CREB5: variants seen among roughly 807,000 people sequenced by gnomAD.
CREB5 encodes cAMP responsive element binding protein 5, also known as cyclic AMP-responsive element-binding protein 5.
In CREB5, 19 loss-of-function variants were observed where a neutral mutation model predicts 57.1. The ratio of observed to expected loss-of-function variants is 0.33; its 90% CI spans 0.23 to 0.49. The LOEUF is 0.49. Among genes scored for constraint, CREB5 ranks in the 20% least tolerant of loss-of-function variants. The probability of loss-of-function intolerance (pLI) is 0.99; values close to 1 mark genes in which losing one functional copy is unlikely to be tolerated. For missense variants in CREB5, 579 were observed against 671.6 expected (o/e 0.86, Z 1.52); for synonymous variants, 238 against 238.3 (o/e 1.00, Z 0.01).
chr7:28,435,007 C>T (rs1355500551), intron 1 of CREB5, among the ~76,000 whole-genome samples: 1 of 151,392 alleles, frequency 6.6e-6, no homozygotes, highest in Non-Finnish European at 1.5e-5. Flanking sequence ...TCATACGCAC[C>T]TTAAGAGTAG....
At chr7:28,756,550 C>A (rs1254636806) in intron 7 of CREB5, among the ~76,000 whole-genome samples, 2 of 124,484 alleles carry the variant, frequency 1.6e-5, no homozygotes, top group Non-Finnish European at 3.6e-5. Context: ...GAGGGGAATT[C>A]CATCTCCAAA....
At chr7:28,519,774 A>T (rs1448727545) in intron 4 of CREB5, among the ~76,000 whole-genome samples, 1 of 152,246 alleles carries the variant, frequency 6.6e-6, no homozygotes, top group African/African-American at 2.4e-5. Flanking sequence ...ACATCTGTTA[A>T]TAACACTGAC....
chr7:28,715,548 A>G (rs1802640198), intron 5 of CREB5, among the ~76,000 whole-genome samples: 2 of 152,372 alleles, frequency 1.3e-5, no homozygotes, highest in African/African-American at 4.8e-5. Flanking sequence ...CTTTAACGAT[A>G]TGAGCATTCT....
chr7:28,354,304 G>A (rs1045464978), intron 1 of CREB5, among the ~76,000 whole-genome samples: 6 of 152,112 alleles, frequency 3.9e-5, no homozygotes, highest in Non-Finnish European at 5.9e-5. Context: ...TAATCTGGGT[G>A]GGCACCATCT....
At chr7:28,573,022 C>A (rs1795763378) in intron 5 of CREB5, among the ~76,000 whole-genome samples, 1 of 152,158 alleles carries the variant, frequency 6.6e-6, no homozygotes, top group Non-Finnish European at 1.5e-5. Context: ...CAAACCCACA[C>A]ATCTTGTCGT....
chr7:28,624,213 T>TGCTAATC (rs1797911717), intron 5 of CREB5, among the ~76,000 whole-genome samples: 1 of 151,898 alleles, frequency 6.6e-6, no homozygotes, highest in South Asian at 2.1e-4. Context: ...CACGTCTAAT[T>TGCTAATC]TGCGTGAATT....
intron 5 of CREB5, among the ~76,000 whole-genome samples, chr7:28,608,505 A>G (rs956329273): frequency 4.6e-5 from 7 of 152,058 alleles, no homozygotes; most frequent in African/African-American, 1.7e-4. Context: ...GTTGTTAAGG[A>G]TGATGCTCTG....
chr7:28,488,107 G>A (rs1791648041), intron 1 of CREB5, 68 bp from the exon 2 acceptor site: 1 of 1,426,858 alleles, frequency 7.0e-7, no homozygotes, highest in South Asian at 1.2e-5. Flanking sequence ...TTCTCACGTT[G>A]CTCAGGTAGA....
chr7:28,714,650 G>A (rs1218192632), intron 5 of CREB5, among the ~76,000 whole-genome samples: 1 of 152,232 alleles, frequency 6.6e-6, no homozygotes. Context: ...GTTAAGGACA[G>A]TGAAAACACA....
intron 5 of CREB5, among the ~76,000 whole-genome samples, chr7:28,596,771 G>T (rs1796703517): frequency 6.6e-6 from 1 of 152,158 alleles, no homozygotes; most frequent in African/African-American, 2.4e-5. Context: ...AAATAAATGA[G>T]ATAATACATA....
chr7:28,752,467 T>A (rs1805040857), intron 7 of CREB5, among the ~76,000 whole-genome samples: 1 of 152,218 alleles, frequency 6.6e-6, no homozygotes, highest in African/African-American at 2.4e-5. Context: ...GTGCTCAGCC[T>A]TCTCTTTGTA....
chr7:28,565,418 A>C (rs1322946189), intron 4 of CREB5, among the ~76,000 whole-genome samples: 2 of 152,112 alleles, frequency 1.3e-5, no homozygotes, highest in Non-Finnish European at 2.9e-5. Context: ...CCCCATTAGG[A>C]GTGAGGGTGA....
intron 5 of CREB5, among the ~76,000 whole-genome samples, chr7:28,671,194 C>T (rs868038944): frequency 4.6e-5 from 7 of 151,326 alleles, no homozygotes; most frequent in African/African-American, 9.7e-5. Flanking sequence ...AGGTCAAGGC[C>T]GCAGTGAGCC....
chr7:28,488,124 A>C, intron 1 of CREB5, 51 bp from the exon 2 acceptor site: 7 of 1,548,798 alleles, frequency 4.5e-6, no homozygotes, highest in South Asian at 1.1e-5. Context: ...TAGAAGCAGA[A>C]GATATTCATG....
chr7:28,643,268 A>T (rs1468172455), intron 5 of CREB5, among the ~76,000 whole-genome samples: 8 of 152,106 alleles, frequency 5.3e-5, no homozygotes, highest in African/African-American at 1.7e-4. Flanking sequence ...AATTCCAAAA[A>T]CACTTGCAAA....
At chr7:28,353,572 G>C (rs144576832) in intron 1 of CREB5, among the ~76,000 whole-genome samples, 1 of 152,050 alleles carries the variant, frequency 6.6e-6, no homozygotes, top group African/African-American at 2.4e-5. Flanking sequence ...GTCCAGGCGC[G>C]GTGGCTCACA....
chr7:28,326,890 C>T (rs1160794379), intron 1 of CREB5, among the ~76,000 whole-genome samples: 1 of 152,052 alleles, frequency 6.6e-6, no homozygotes, highest in African/African-American at 2.4e-5. Context: ...TGCCTGTAAT[C>T]CCAGCACTTT....
At chr7:28,783,868 G>A (rs1384163381) in intron 7 of CREB5, among the ~76,000 whole-genome samples, 1 of 152,192 alleles carries the variant, frequency 6.6e-6, no homozygotes, top group Non-Finnish European at 1.5e-5. Flanking sequence ...TCTTAAACAA[G>A]CCACTTACAG....
chr7:28,711,032 G>T (rs755399860), intron 5 of CREB5, among the ~76,000 whole-genome samples: 1 of 152,154 alleles, frequency 6.6e-6, no homozygotes, highest in South Asian at 2.1e-4. Context: ...AAATCACTAT[G>T]GCAGGTATAC....
Sources: allele counts gnomAD v4.1 joint callset (sites outside exome capture counted in the v4.1 genomes callset), GRCh38; gene constraint gnomAD v4.1.1; transcripts MANE v1.5; gene names NCBI Gene and HGNC (gene_info 2026-07-23, HGNC 2026-07-21).